Variants in CENPW observed in about 807,000 individuals in gnomAD.
CENPW encodes centromere protein W, also known as cancer-up-regulated gene 2 protein.
Under a neutral mutation model 11.1 loss-of-function variants are expected in CENPW, and 3 were observed. The observed-to-expected ratio is 0.27, with a 90% CI of 0.12 to 0.70. CENPW has a LOEUF of 0.70. Among genes scored for constraint, CENPW ranks in the 30% least tolerant of loss-of-function variants. The probability of loss-of-function intolerance (pLI) is 0.77; values close to 1 mark genes in which losing one functional copy is unlikely to be tolerated. For synonymous variants in CENPW, 38 were observed against 42.0 expected (o/e 0.91, Z 0.37); for missense variants, 100 against 105.6 (o/e 0.95, Z 0.23).
At chr6:126,426,561 A>G in the CENPW span, among the ~76,000 whole-genome samples, 2 of 152,196 alleles carry the variant, frequency 1.3e-5, no homozygotes, top group Non-Finnish European at 2.9e-5. Flanking sequence ...GGAGCATACT[A>G]CATAGTCAGA....
Position 126,340,240 on chromosome 6 carries a change from C to T in CENPW, c.-34C>T. On this transcript the variant is annotated 5_prime_UTR_variant, in exon 1 of 3. Transcript: ENST00000368328. ...CTTGTGTGCGATACAGAGAGCACCT[C>T]GGAAGCTGAGGCAGCTGGTACTTGA... 6.2e-7 allele frequency: 1 copy of T among 1,608,376 alleles called. No individual in the cohort carries two copies. Among genetic ancestry groups the T allele is most frequent in the Non-Finnish European group, 8.5e-7 (1 of 1,176,596 alleles).
chr6:126,457,928 A>C, the CENPW span, among the ~76,000 whole-genome samples: 1 of 151,266 alleles, frequency 6.6e-6, no homozygotes, highest in Non-Finnish European at 1.5e-5. Context: ...ACCATCCAAT[A>C]ATCTAAACTT....
chr6:126,440,823 A>G, the CENPW span, among the ~76,000 whole-genome samples: 1 of 151,638 alleles, frequency 6.6e-6, no homozygotes, highest in East Asian at 2.0e-4. Context: ...GAAGCCTAGA[A>G]GGATGATGAA....
At chr6:126,455,517 C>T in the CENPW span, among the ~76,000 whole-genome samples, 1 of 151,466 alleles carries the variant, frequency 6.6e-6, no homozygotes, top group East Asian at 1.9e-4. Context: ...TAACATTCAA[C>T]ATCAATTTAT....
At chr6:126,465,300 C>T in the CENPW span, among the ~76,000 whole-genome samples, 1 of 151,658 alleles carries the variant, frequency 6.6e-6, no homozygotes, top group African/African-American at 2.4e-5. Context: ...TATAAAGTAC[C>T]TGAGTATAAA....
the CENPW span, among the ~76,000 whole-genome samples, chr6:126,416,359 A>G: frequency 1.3e-5 from 2 of 152,190 alleles, no homozygotes; most frequent in Non-Finnish European, 2.9e-5. Context: ...AAAGTTTGGA[A>G]AATTTGCAGC....
At chr6:126,433,130 G>A in the CENPW span, among the ~76,000 whole-genome samples, 1 of 152,074 alleles carries the variant, frequency 6.6e-6, no homozygotes, top group East Asian at 1.9e-4. Flanking sequence ...TCAAAAATTT[G>A]TATTTTTAAA....
the CENPW span, among the ~76,000 whole-genome samples, chr6:126,405,744 T>A: frequency 6.6e-6 from 1 of 152,134 alleles, no homozygotes; most frequent in Non-Finnish European, 1.5e-5. Flanking sequence ...TACTAAGTTA[T>A]TTTTTAGCTG....
chr6:126,430,081 T>C, the CENPW span, among the ~76,000 whole-genome samples: 35 of 152,304 alleles, frequency 2.3e-4, no homozygotes, highest in African/African-American at 7.9e-4. Context: ...TCACTTATCA[T>C]GGAATGCCTG....
At chr6:126,400,127 G>A in the CENPW span, among the ~76,000 whole-genome samples, 1 of 151,978 alleles carries the variant, frequency 6.6e-6, no homozygotes, top group Admixed American at 6.6e-5. Context: ...ATTTAGGAAG[G>A]CAAATGCTTG....
chr6:126,428,101 A>G, the CENPW span, among the ~76,000 whole-genome samples: 1 of 152,218 alleles, frequency 6.6e-6, no homozygotes, highest in Admixed American at 6.5e-5. Context: ...CAGGAAAATC[A>G]TGTTCTTCCA....
the CENPW span, among the ~76,000 whole-genome samples, chr6:126,413,143 A>C: frequency 3.3e-5 from 5 of 152,160 alleles, no homozygotes; most frequent in African/African-American, 1.2e-4. Flanking sequence ...TAAAAATAAT[A>C]AAAGATAACA....
chr6:126,450,207 A>T, the CENPW span, among the ~76,000 whole-genome samples: 1 of 151,142 alleles, frequency 6.6e-6, no homozygotes, highest in Admixed American at 6.6e-5. Flanking sequence ...ATATTTTGCT[A>T]TATCTTCTAT....
At chr6:126,456,570 T>C in the CENPW span, among the ~76,000 whole-genome samples, 1 of 151,330 alleles carries the variant, frequency 6.6e-6, no homozygotes, top group Non-Finnish European at 1.5e-5. Flanking sequence ...ACATTAAATA[T>C]TTAAATGTTA....
In CENPW at chr6:126,348,516, A is replaced by C; in HGVS notation, c.*24A>C. On this transcript the variant is annotated 3_prime_UTR_variant, in exon 3 of 3. Coordinates refer to ENST00000368328, the MANE Select transcript of CENPW (RefSeq NM_001012507.4). ...AGAAGTCAAAGAACATATTCTTGAA[A>C]GTTATGATGCATTCTTTTGGGTGGT... The C allele has an allele frequency of 7.2e-7, 1 of 1,395,304 alleles. No homozygotes were observed. The highest frequency in any genetic ancestry group is 1.0e-6 in the Non-Finnish European group (1 of 984,364). The allele number at this position is 1,395,304 out of a possible 1,614,324, so 86.4% of individuals were successfully genotyped here. A position where few individuals can be genotyped will look rare whatever the true frequency, so the allele number is the denominator to read the frequency against.
the CENPW span, among the ~76,000 whole-genome samples, chr6:126,479,881 CT>C: frequency 6.1e-4 from 93 of 151,724 alleles, no homozygotes; most frequent in Non-Finnish European, 8.7e-4. Flanking sequence ...TGCTTTTACT[CT>C]TTTTTTTCTT....
At chr6:126,459,746 A>G in the CENPW span, among the ~76,000 whole-genome samples, 1 of 151,580 alleles carries the variant, frequency 6.6e-6, no homozygotes, top group Non-Finnish European at 1.5e-5. Context: ...AATTAATTTA[A>G]AAAATCAGTA....
the CENPW span, among the ~76,000 whole-genome samples, chr6:126,466,795 G>T: frequency 5.4e-3 from 817 of 152,092 alleles, 9 homozygotes; most frequent in African/African-American, 0.018. Flanking sequence ...TAAAGTTTCA[G>T]GATACAATAT....
the CENPW span, among the ~76,000 whole-genome samples, chr6:126,430,732 A>G: frequency 6.6e-6 from 1 of 152,102 alleles, no homozygotes; most frequent in Non-Finnish European, 1.5e-5. Context: ...TGGGCAGATC[A>G]CGAGGTCAGG....
Sources: allele counts gnomAD v4.1 joint callset (sites outside exome capture counted in the v4.1 genomes callset), GRCh38; gene constraint gnomAD v4.1.1; transcripts MANE v1.5; gene names NCBI Gene and HGNC (gene_info 2026-07-23, HGNC 2026-07-21).